The following HPS4 variants were observed in gnomAD, a reference collection of about 807,000 sequenced individuals.
HPS4 encodes the protein HPS4 biogenesis of lysosomal organelles complex 3 subunit 2.
HPS4 carries 44 observed loss-of-function variants against 70.3 expected under a neutral mutation model. The ratio of observed to expected loss-of-function variants is 0.63; its 90% CI spans 0.49 to 0.80. The LOEUF (loss-of-function observed/expected upper bound fraction) is 0.80, where lower values mean the gene tolerates loss of function less well. Among genes scored for constraint, HPS4 ranks in the 30% least tolerant of loss-of-function variants. The pLI, the probability that HPS4 is intolerant of heterozygous loss-of-function variation, is 0.00. For missense variants in HPS4, 873 were observed against 884.4 expected (o/e 0.99, Z 0.16); for synonymous variants, 377 against 355.9 (o/e 1.06, Z -0.67).
intron 8 of HPS4, chr22:26,466,859 A>T (rs2088737141): frequency 6.4e-6 from 1 of 156,792 alleles, no homozygotes; most frequent in Admixed American, 6.1e-5. Flanking sequence ...ACCAAACAAG[A>T]ACTGCTCTTC....
rs933624062 is a variant in HPS4, at chr22:26,479,598, G to A, written c.42-243C>T. On this transcript the variant is annotated intron_variant, in intron 2 of 13. Transcript: ENST00000398145. ...TTAGACCATCTGCCGGAGAAGACAC[G>A]AGTAGCTAGAAAAAAAAACGAGGCG... The A allele has an allele frequency of 1.2e-5, 16 of 1,343,410 alleles. No individual in the cohort carries two copies. The African/African-American group carries it at 1.5e-4, about 12-fold the overall frequency. 83.2% of individuals were successfully genotyped at this position (1,343,410 alleles called of 1,614,324 possible).
At chr22:26,466,312 T>C (rs764292356) in intron 8 of HPS4, 50 bp from the exon 9 acceptor site, 30 of 1,602,098 alleles carry the variant, frequency 1.9e-5, no homozygotes, top group Non-Finnish European at 2.4e-5. Flanking sequence ...CATTCTCCTC[T>C]TGACCTAACC....
intron 2 of HPS4, among the ~76,000 whole-genome samples, chr22:26,480,204 T>C (rs2091128102): frequency 6.6e-6 from 1 of 152,188 alleles, no homozygotes; most frequent in Non-Finnish European, 1.5e-5. Context: ...GGTCTCACTT[T>C]GTAGCCCTGT....
Position 26,452,727 on chromosome 22 carries a change from A to G in HPS4, c.*506T>C, listed in dbSNP as rs2085411231. The stretch of plus-strand genomic sequence containing the variant: ...CAGGAACGATCCGGACCTCCCAGCA[A>G]GAGCGCACTGGAGAAACCTACCTGC... On this transcript the variant is annotated 3_prime_UTR_variant, in exon 14 of 14. Transcript: ENST00000398145. 4.0e-6 allele frequency: 1 copy of G among 250,530 alleles called. No homozygotes were observed. The highest frequency in any genetic ancestry group is 2.3e-5 in the African/African-American group (1 of 44,004). 15.5% of individuals were successfully genotyped at this position (250,530 alleles called of 1,614,324 possible). A position where few individuals can be genotyped will look rare whatever the true frequency, so the allele number is the denominator to read the frequency against.
Position 26,457,953 on chromosome 22 carries a change from C to T in HPS4, c.1861G>A (p.Val621Met), listed in dbSNP as rs773844011. 1.9e-6 allele frequency: 3 copies of T among 1,613,554 alleles called. No homozygotes were observed. The South Asian group carries it at 3.3e-5, about 18-fold the overall frequency. The change falls in exon 13 of 14, where the codon GTG becomes ATG. Residue 621 changes from valine to methionine, a missense_variant. Transcript: ENST00000398145. ...AAGCGGCGATCCTGCGGGGTGGCCA[C>T]CTGCGGCAGGTTTGCTTCCAGAAGA... ...QSLLMANLPQVATPQDRRFLQ... is the reference protein window; with the variant it reads ...QSLLMANLPQMATPQDRRFLQ...
intron 1 of HPS4, chr22:26,482,632 T>C (rs1040289907): frequency 3.3e-5 from 5 of 152,206 alleles, no homozygotes; most frequent in African/African-American, 7.2e-5. Flanking sequence ...CTTTATCAAA[T>C]GGCTTTCAAA....
downstream of HPS4, among the ~76,000 whole-genome samples, chr22:26,448,444 G>T (rs1044875031): frequency 6.6e-6 from 1 of 152,206 alleles, no homozygotes; most frequent in African/African-American, 2.4e-5. Context: ...AGTCCAGCCT[G>T]GGTGGGGAGG....
chr22:26,466,120 G>A (rs751139722), intron 9 of HPS4, 106 bp downstream of exon 9: 12 of 1,611,692 alleles, frequency 7.4e-6, no homozygotes, highest in Non-Finnish European at 1.0e-5. Context: ...ATGAGCAGAG[G>A]AAATAAACAT....
At chr22:26,483,569 T>C (rs2091537801) in intron 1 of HPS4, 105 bp downstream of exon 1, 1 of 197,342 alleles carries the variant, frequency 5.1e-6, no homozygotes, top group Admixed American at 6.1e-5. Flanking sequence ...TCTACGGGAC[T>C]GGGAAATGGT....
intron 8 of HPS4, chr22:26,467,656 T>A (rs1166804348): frequency 6.6e-6 from 1 of 152,250 alleles, no homozygotes; most frequent in Non-Finnish European, 1.5e-5. Context: ...GCATTTTACA[T>A]GCCTGTTCAC....
At chr22:26,472,208 C>T (rs1383897695) in intron 6 of HPS4, 94 bp downstream of exon 6, 2 of 862,856 alleles carry the variant, frequency 2.3e-6, no homozygotes, top group South Asian at 1.3e-5. Flanking sequence ...ATTCTACTCA[C>T]TTTTCCAGAT....
chr22:26,467,092 T>C (rs972653974), intron 8 of HPS4: 23 of 152,350 alleles, frequency 1.5e-4, no homozygotes, highest in African/African-American at 4.8e-4. Context: ...GGCCACACTA[T>C]ATAAAATTTC....
intron 3 of HPS4, among the ~76,000 whole-genome samples, chr22:26,478,061 A>C (rs959694977): frequency 6.6e-6 from 1 of 152,224 alleles, no homozygotes; most frequent in Non-Finnish European, 1.5e-5. Context: ...AATATCCAAG[A>C]CAATAAGGCA....
At chr22:26,470,117 C>G (rs527592158) in intron 7 of HPS4, among the ~76,000 whole-genome samples, 96 of 152,376 alleles carry the variant, frequency 6.3e-4, no homozygotes, top group African/African-American at 2.1e-3. Flanking sequence ...CCTGCCTGCC[C>G]TGGGCTGTGA....
At chr22:26,454,136 G>C (rs2085671919) in intron 13 of HPS4, among the ~76,000 whole-genome samples, 2 of 152,230 alleles carry the variant, frequency 1.3e-5, no homozygotes, top group South Asian at 4.1e-4. Flanking sequence ...AAAGGGTGGA[G>C]TCAGGGACTG....
intron 2 of HPS4, chr22:26,479,733 G>A (rs539468340): frequency 9.8e-7 from 1 of 1,023,548 alleles, no homozygotes; most frequent in African/African-American, 1.7e-5. Flanking sequence ...GGATGTATTA[G>A]ATGCACTCCT....
At chr22:26,472,962 G>T in intron 4 of HPS4, 23 bp from the exon 5 acceptor site, 1 of 1,601,504 alleles carries the variant, frequency 6.2e-7, no homozygotes, top group South Asian at 1.1e-5. Context: ...AAACCAGGAA[G>T]ACAAGCATCT....
At chr22:26,483,843 CG>C, upstream of HPS4, 2 of 1,297,466 alleles carry the variant, frequency 1.5e-6, no homozygotes, top group South Asian at 4.5e-5. Context: ...AGCCGGCGCG[CG>C]GCGATGACGT....
At chr22:26,465,667 G>GT in intron 9 of HPS4, 116 bp from the exon 10 acceptor site, 6 of 815,100 alleles carry the variant, frequency 7.4e-6, no homozygotes, top group Non-Finnish European at 1.2e-5. Context: ...AAGGGGTGCT[G>GT]TGAGTGCATT....
Sources: gnomAD v4.1 joint callset for allele counts (sites outside exome capture counted in the v4.1 genomes callset) on GRCh38, gnomAD v4.1.1 for gene constraint, MANE v1.5 for transcripts, NCBI Gene and HGNC (gene_info 2026-07-23, HGNC 2026-07-21) for gene names.